The following PLA2R1 variants were observed in gnomAD, a reference collection of about 807,000 sequenced individuals.
The protein encoded by PLA2R1 is secretory phospholipase A2 receptor.
PLA2R1 carries 158 observed loss-of-function variants against 195.9 expected under a neutral mutation model. The observed-to-expected ratio is 0.81, with a 90% CI of 0.71 to 0.92. The LOEUF is 0.92. PLA2R1 is among the 40% of genes least tolerant of loss of function. The pLI is 0.00. For missense variants in PLA2R1, 1,626 were observed against 1,764.6 expected (o/e 0.92, Z 1.41); for synonymous variants, 586 against 598.2 (o/e 0.98, Z 0.30).
chr2:160,048,519 T>C (rs1695026320), intron 1 of PLA2R1, among the ~76,000 whole-genome samples: 1 of 152,216 alleles, frequency 6.6e-6, no homozygotes, highest in South Asian at 2.1e-4. Flanking sequence ...AAATAGACTG[T>C]GAGGAGACTT....
intron 20 of PLA2R1, among the ~76,000 whole-genome samples, chr2:159,962,684 C>T (rs1221794488): frequency 6.6e-6 from 1 of 152,154 alleles, no homozygotes; most frequent in Admixed American, 6.5e-5. Context: ...CACATAAACA[C>T]CATGGAATAC....
chr2:160,061,006 C>T (rs764161083), intron 1 of PLA2R1, among the ~76,000 whole-genome samples: 3 of 152,230 alleles, frequency 2.0e-5, no homozygotes, highest in Non-Finnish European at 4.4e-5. Flanking sequence ...TCTTGTTCTA[C>T]CTGCCCCTGA....
chr2:159,945,457 T>C (rs1270473092), intron 27 of PLA2R1, among the ~76,000 whole-genome samples: 2 of 152,190 alleles, frequency 1.3e-5, no homozygotes, highest in East Asian at 3.9e-4. Context: ...TGTTTGGTTT[T>C]TTGTTCTTGC....
chr2:160,049,823 C>T (rs1027322307), intron 1 of PLA2R1, among the ~76,000 whole-genome samples: 1 of 152,034 alleles, frequency 6.6e-6, no homozygotes, highest in Non-Finnish European at 1.5e-5. Context: ...GAGATTGTGT[C>T]TCAAAACAAA....
intron 10 of PLA2R1, among the ~76,000 whole-genome samples, chr2:160,012,357 A>C (rs1488935461): frequency 6.6e-6 from 1 of 152,036 alleles, no homozygotes; most frequent in African/African-American, 2.4e-5. Context: ...TACTAATATG[A>C]GGTCACCTTT....
intron 1 of PLA2R1, among the ~76,000 whole-genome samples, chr2:160,049,809 G>C (rs958361729): frequency 5.3e-5 from 8 of 152,284 alleles, no homozygotes; most frequent in Admixed American, 1.3e-4. Flanking sequence ...CTGGGGGACA[G>C]AGCGAGATTG....
chr2:159,950,754 A>G (rs770802495), intron 24 of PLA2R1, among the ~76,000 whole-genome samples: 5 of 152,226 alleles, frequency 3.3e-5, no homozygotes, highest in Non-Finnish European at 7.3e-5. Context: ...GGCACACAAG[A>G]CAGTGTTCAC....
intron 1 of PLA2R1, among the ~76,000 whole-genome samples, chr2:160,059,785 G>A (rs979491474): frequency 9.9e-5 from 15 of 152,136 alleles, no homozygotes; most frequent in Non-Finnish European, 1.8e-4. Flanking sequence ...ACGTGGCAGC[G>A]GCAAGAGAAA....
Position 160,005,732 on chromosome 2 carries a change from TC to T in PLA2R1, c.1753del (p.Asp585IlefsTer10). 1 of 1,613,640 alleles carries T rather than the reference TC, an allele frequency of 6.2e-7. No individual in the cohort carries two copies. The highest frequency in any genetic ancestry group is 8.5e-7 in the Non-Finnish European group (1 of 1,179,534). On this transcript the variant is annotated frameshift_variant, in exon 11 of 30. Coordinates refer to ENST00000283243, the MANE Select transcript of PLA2R1 (RefSeq NM_007366.5). LOFTEE classifies it high-confidence loss of function. ...YFWIALQDQN[D>X]TGEYTWKPVG... The stretch of plus-strand genomic sequence containing the variant: ...TGGCTTCCAAGTGTATTCTCCCGTA[TC>T]ATTTTGGTCCTGAAGAGCTATCCAA...
At chr2:159,980,863 T>C (rs912222387) in intron 13 of PLA2R1, among the ~76,000 whole-genome samples, 1 of 152,240 alleles carries the variant, frequency 6.6e-6, no homozygotes, top group Admixed American at 6.5e-5. Flanking sequence ...TTCTCGGATA[T>C]GTCAGCTACT....
At chr2:160,059,976 G>C (rs1020903805) in intron 1 of PLA2R1, among the ~76,000 whole-genome samples, 1 of 152,128 alleles carries the variant, frequency 6.6e-6, no homozygotes, top group South Asian at 2.1e-4. Context: ...ATTTGGGTGG[G>C]GGCATAGCCA....
At chr2:160,037,405 GC>G (rs1694229913) in intron 3 of PLA2R1, among the ~76,000 whole-genome samples, 1 of 151,868 alleles carries the variant, frequency 6.6e-6, no homozygotes, top group Non-Finnish European at 1.5e-5. Flanking sequence ...CTGTACTCTT[GC>G]CACATTGTCT....
rs1696038597 is a variant in PLA2R1, at chr2:160,062,498, G to T, written c.-95C>A. On this transcript the variant is annotated 5_prime_UTR_variant, in exon 1 of 30. Coordinates refer to ENST00000283243, the MANE Select transcript of PLA2R1 (RefSeq NM_007366.5). ...TCCCAAGCACCCGGCCCCGCCGCGC[G>T]GAAGCGGATCCGTAGCCTCCTCCGC... is the stretch of plus-strand genomic sequence containing the variant. 1.4e-6 allele frequency: 2 copies of T among 1,425,374 alleles called. No individual in the cohort carries two copies. Among genetic ancestry groups the T allele is most frequent in the Non-Finnish European group, 1.8e-6 (2 of 1,095,284 alleles). The allele number at this position is 1,425,374 out of a possible 1,614,324, so 88.3% of individuals were successfully genotyped here.
rs368820544 is a variant in PLA2R1 at position 160,026,900 on chromosome 2, G to A, written c.1099+1318C>T. ...CGTAATCCCAGCACTTTGGGAGGCT[G>A]AGGTGGGCGGACTGCCTCAGGTCAG... is the stretch of plus-strand genomic sequence containing the variant. On this transcript the variant is annotated intron_variant, in intron 6 of 29. Coordinates refer to ENST00000283243, the MANE Select transcript of PLA2R1 (RefSeq NM_007366.5). Among the ~76,000 whole-genome samples, 5 of 152,300 alleles carry A rather than the reference G, an allele frequency of 3.3e-5. No individual in the cohort carries two copies. The South Asian group carries it at 6.2e-4, about 19-fold the overall frequency.
intron 6 of PLA2R1, among the ~76,000 whole-genome samples, chr2:160,027,046 C>T (rs1351111239): frequency 3.9e-5 from 6 of 152,188 alleles, no homozygotes; most frequent in African/African-American, 1.4e-4. Context: ...GGCAGAATTG[C>T]TTGAACCCAG....
At chr2:159,956,036 A>G (rs1488524603) in intron 21 of PLA2R1, among the ~76,000 whole-genome samples, 1 of 152,204 alleles carries the variant, frequency 6.6e-6, no homozygotes, top group Non-Finnish European at 1.5e-5. Context: ...TAGCTGGATA[A>G]CCTGAGATTT....
chr2:160,003,105 G>A lies in PLA2R1; in HGVS notation c.1834+2547C>T, dbSNP rs563460385. ...ATTATGGTATTTCGAATCAGTAGAC[G>A]AAAGGGTGAACTTACTATATAGTGT... On this transcript the variant is annotated intron_variant, in intron 11 of 29. Transcript: ENST00000283243. Among the ~76,000 whole-genome samples the A allele has an allele frequency of 3.7e-4, 56 of 152,064 alleles. No individual in the cohort carries two copies. In the Middle Eastern group the frequency reaches 0.02, roughly 55 times the overall value.
At chr2:159,999,611 G>A (rs1437590563) in intron 11 of PLA2R1, among the ~76,000 whole-genome samples, 77 of 3,790 alleles carry the variant, frequency 0.02, 29 homozygotes, top group South Asian at 0.036. Context: ...TGATCCGCCC[G>A]CCTCGGCCTC....
rs1350002283 is a variant in PLA2R1, at chr2:159,937,839, G to A, written c.*3939C>T. On this transcript the variant is annotated 3_prime_UTR_variant, in exon 30 of 30. Coordinates refer to ENST00000283243, the MANE Select transcript of PLA2R1 (RefSeq NM_007366.5). ...TGTCCTAACACAGAGAAAGACGTGAGGATCTACAGAATGAGTTTACAATTT... is the reference window on the plus strand; with the variant it reads ...TGTCCTAACACAGAGAAAGACGTGAAGATCTACAGAATGAGTTTACAATTT... 1 of 152,172 alleles carries A rather than the reference G, an allele frequency of 6.6e-6. No individual in the cohort carries two copies. Among genetic ancestry groups the A allele is most frequent in the Non-Finnish European group, 1.5e-5 (1 of 68,032 alleles). The allele number at this position is 152,172 out of a possible 1,614,324, so 9.4% of individuals were successfully genotyped here.
Sources: allele counts gnomAD v4.1 joint callset (sites outside exome capture counted in the v4.1 genomes callset), GRCh38; gene constraint gnomAD v4.1.1; transcripts MANE v1.5; gene names NCBI Gene and HGNC (gene_info 2026-07-23, HGNC 2026-07-21).